The following DLG2 variants were observed in gnomAD, a reference collection of about 807,000 sequenced individuals.
The protein encoded by DLG2 is discs large MAGUK scaffold protein 2.
In DLG2, 45 loss-of-function variants were observed where a neutral mutation model predicts 132.5. That is an observed-to-expected ratio of 0.34 (90% CI 0.27 to 0.44). The LOEUF is 0.44. DLG2 is among the 20% of genes least tolerant of loss of function. The pLI, the probability that DLG2 is intolerant of heterozygous loss-of-function variation, is 1.00. For synonymous variants in DLG2, 424 were observed against 419.6 expected (o/e 1.01, Z -0.13); for missense variants, 1,045 against 1,196.9 (o/e 0.87, Z 1.87).
intron 3 of DLG2, among the ~76,000 whole-genome samples, chr11:85,491,663 A>AT (rs1293114831): frequency 6.6e-6 from 1 of 152,112 alleles, no homozygotes; most frequent in Non-Finnish European, 1.5e-5. Context: ...AGCTACAAAA[A>AT]ATAAAATACT....
chr11:83,976,094 T>A (rs902855639), intron 12 of DLG2, among the ~76,000 whole-genome samples: 9 of 151,880 alleles, frequency 5.9e-5, no homozygotes, highest in Admixed American at 5.3e-4. Flanking sequence ...ATGGATGGTA[T>A]GATTCAGGTG....
intron 11 of DLG2, among the ~76,000 whole-genome samples, chr11:84,016,553 C>T (rs1240617572): frequency 6.6e-6 from 1 of 152,068 alleles, no homozygotes; most frequent in East Asian, 1.9e-4. Flanking sequence ...GGTCCAGTTT[C>T]AATTTTCTGC....
chr11:83,545,962 T>C (rs1157047766), intron 19 of DLG2, among the ~76,000 whole-genome samples: 2 of 152,216 alleles, frequency 1.3e-5, no homozygotes, highest in Admixed American at 1.3e-4. Context: ...TATGTGTTAA[T>C]TCATCACAGC....
At chr11:83,885,045 C>T (rs566723810) in intron 15 of DLG2, among the ~76,000 whole-genome samples, 2 of 152,230 alleles carry the variant, frequency 1.3e-5, no homozygotes, top group African/African-American at 4.8e-5. Flanking sequence ...AGCGCCTCTC[C>T]TCCTCCAAAG....
intron 7 of DLG2, among the ~76,000 whole-genome samples, chr11:84,280,154 T>C (rs2097838638): frequency 6.6e-6 from 1 of 152,204 alleles, no homozygotes; most frequent in Non-Finnish European, 1.5e-5. Flanking sequence ...GTAGAATCTT[T>C]AGCAAATTTA....
At chr11:84,636,875 A>G (rs544684232) in intron 6 of DLG2, among the ~76,000 whole-genome samples, 4 of 151,950 alleles carry the variant, frequency 2.6e-5, no homozygotes, top group African/African-American at 7.2e-5. Flanking sequence ...TCCCACTCCA[A>G]GGTTCAAGCA....
intron 3 of DLG2, among the ~76,000 whole-genome samples, chr11:85,511,055 A>T (rs1331986878): frequency 2.6e-5 from 4 of 152,154 alleles, no homozygotes; most frequent in Admixed American, 1.3e-4. Flanking sequence ...AAAAATGATG[A>T]GTTCATGTCC....
chr11:85,495,830 T>C (rs1051944522), intron 3 of DLG2, among the ~76,000 whole-genome samples: 2 of 152,126 alleles, frequency 1.3e-5, no homozygotes, highest in African/African-American at 4.8e-5. Flanking sequence ...ACATGCACAC[T>C]TATGTTTATT....
intron 6 of DLG2, among the ~76,000 whole-genome samples, chr11:85,061,656 T>C (rs1043412418): frequency 4.6e-5 from 7 of 151,912 alleles, no homozygotes; most frequent in Admixed American, 1.3e-4. Flanking sequence ...TTTAAACTTC[T>C]CTAAAATGAA....
intron 6 of DLG2, among the ~76,000 whole-genome samples, chr11:85,022,754 C>T (rs534644951): frequency 6.6e-5 from 10 of 152,108 alleles, no homozygotes; most frequent in South Asian, 4.2e-4. Flanking sequence ...GATATGTACC[C>T]GAACAAGTTG....
At chr11:85,349,366 A>G (rs1184030654) in intron 3 of DLG2, among the ~76,000 whole-genome samples, 1 of 152,074 alleles carries the variant, frequency 6.6e-6, no homozygotes, top group East Asian at 1.9e-4. Context: ...CTCATTATTT[A>G]TAGCTGAAAA....
At chr11:84,174,598 T>C (rs1321268324) in intron 8 of DLG2, among the ~76,000 whole-genome samples, 1 of 152,204 alleles carries the variant, frequency 6.6e-6, no homozygotes, top group African/African-American at 2.4e-5. Flanking sequence ...ATATTTTGAA[T>C]GCCTAAAATT....
chr11:83,580,455 G>A (rs2096951706), intron 19 of DLG2, among the ~76,000 whole-genome samples: 1 of 152,076 alleles, frequency 6.6e-6, no homozygotes, highest in Non-Finnish European at 1.5e-5. Context: ...TTAGGGGCTA[G>A]TTCAATAAAG....
intron 6 of DLG2, among the ~76,000 whole-genome samples, chr11:84,960,261 T>G (rs2052353037): frequency 6.6e-6 from 1 of 152,114 alleles, no homozygotes; most frequent in Non-Finnish European, 1.5e-5. Flanking sequence ...CTTACACTAT[T>G]ACGAATCATC....
intron 6 of DLG2, among the ~76,000 whole-genome samples, chr11:85,024,667 T>A (rs1485177888): frequency 3.9e-5 from 6 of 152,224 alleles, no homozygotes. Context: ...AAGCCATTTG[T>A]AAGCACTCTG....
chr11:84,602,567 C>T (rs2099578541), intron 6 of DLG2, among the ~76,000 whole-genome samples: 1 of 151,906 alleles, frequency 6.6e-6, no homozygotes, highest in Admixed American at 6.6e-5. Context: ...CTCTGTAAAC[C>T]ATATACCAGT....
At chr11:84,502,587 G>T (rs983298833) in intron 7 of DLG2, among the ~76,000 whole-genome samples, 1 of 151,204 alleles carries the variant, frequency 6.6e-6, no homozygotes, top group East Asian at 1.9e-4. Context: ...TAGTAGAGAT[G>T]GTGTTTCACC....
chr11:85,415,687 C>A (rs921592378), intron 3 of DLG2, among the ~76,000 whole-genome samples: 3 of 151,840 alleles, frequency 2.0e-5, no homozygotes, highest in Non-Finnish European at 2.9e-5. Context: ...ATATCCTTTG[C>A]CCACTTTTTG....
At chr11:83,847,525 A>C (rs1175814745) in intron 16 of DLG2, among the ~76,000 whole-genome samples, 2 of 152,164 alleles carry the variant, frequency 1.3e-5, no homozygotes, top group East Asian at 3.8e-4. Context: ...TCTGATTTGG[A>C]TATATCCATA....
Sources: gnomAD v4.1 joint callset for allele counts (sites outside exome capture counted in the v4.1 genomes callset) on GRCh38, gnomAD v4.1.1 for gene constraint, MANE v1.5 for transcripts, NCBI Gene and HGNC (gene_info 2026-07-23, HGNC 2026-07-21) for gene names.